Variants in NCK2 observed in about 807,000 individuals in gnomAD.
The protein encoded by NCK2 is cytoplasmic protein NCK2.
NCK2 carries 16 observed loss-of-function variants against 33.9 expected under a neutral mutation model. That is an observed-to-expected ratio of 0.47 (90% CI 0.32 to 0.72). The LOEUF is 0.72. NCK2 is among the 30% of genes least tolerant of loss of function. NCK2 has a pLI of 0.03. For missense variants in NCK2, 418 were observed against 537.3 expected, an observed-to-expected ratio of 0.78 and a Z score of 2.19; for synonymous variants, 273 against 239.9, an observed-to-expected ratio of 1.14 and a Z score of -1.27.
rs1377398900 is a variant in NCK2, at chr2:105,893,171, C to A, written c.1138C>A (p.Gln380Lys). Residue 380 changes from glutamine (Q) to lysine (K), a missense_variant, in exon 5 of 5, where the codon CAG becomes AAG. Transcript: ENST00000233154. ...GAAGCTCTACCTCGTCAGGGCCCTG[C>A]AGTGACGGCGCCCCGGCCCCACACT... ...GEKLYLVRAL[Q>K] The A allele has an allele frequency of 1.3e-6, 2 of 1,591,508 alleles. No homozygotes were observed. Among genetic ancestry groups the A allele is most frequent in the Admixed American group, 3.5e-5 (2 of 57,164 alleles).
At chr2:105,835,621 T>C (rs1051195856) in intron 2 of NCK2, among the ~76,000 whole-genome samples, 3 of 151,296 alleles carry the variant, frequency 2.0e-5, no homozygotes, top group Non-Finnish European at 4.4e-5. Flanking sequence ...AGGACTTTCT[T>C]AGGTTGAATA....
intron 3 of NCK2, among the ~76,000 whole-genome samples, chr2:105,876,302 G>A (rs1181387810): frequency 3.9e-5 from 6 of 152,284 alleles, no homozygotes; most frequent in African/African-American, 9.6e-5. Flanking sequence ...ACACATGACC[G>A]CACACCATGC....
intron 4 of NCK2, among the ~76,000 whole-genome samples, chr2:105,889,301 G>A (rs1438009199): frequency 6.6e-6 from 1 of 152,238 alleles, no homozygotes; most frequent in East Asian, 1.9e-4. Flanking sequence ...AATTGGAAAA[G>A]TATCCACAGA....
intron 4 of NCK2, among the ~76,000 whole-genome samples, chr2:105,883,193 G>A (rs1678578801): frequency 6.6e-6 from 1 of 152,176 alleles, no homozygotes; most frequent in African/African-American, 2.4e-5. Context: ...TGAACTCTGA[G>A]ATTTATCAAG....
At chr2:105,816,761 T>A (rs1468471779) in intron 2 of NCK2, 148 bp downstream of exon 2, 3 of 152,062 alleles carry the variant, frequency 2.0e-5, no homozygotes, top group Non-Finnish European at 2.9e-5. Flanking sequence ...AGGGAGAAAA[T>A]TAGATTATCT....
chr2:105,814,490 T>C (rs974171819), intron 1 of NCK2, among the ~76,000 whole-genome samples: 7 of 152,212 alleles, frequency 4.6e-5, no homozygotes, highest in African/African-American at 1.7e-4. Flanking sequence ...TTGCCCACTG[T>C]GCCTAGTATC....
chr2:105,800,137 C>G (rs937125099), intron 1 of NCK2, among the ~76,000 whole-genome samples: 1 of 152,192 alleles, frequency 6.6e-6, no homozygotes, highest in Admixed American at 6.5e-5. Flanking sequence ...TCAGTGCAGC[C>G]ATGTAGCCTG....
chr2:105,769,520 C>G lies in NCK2; in HGVS notation c.-201+24382C>G, dbSNP rs994470387. ...ATGTAGCACAAAAATTGTGACTCTA[C>G]TTATAATAACGTACAGAAGAATAAC... is the stretch of plus-strand genomic sequence containing the variant. On this transcript the variant is annotated intron_variant, in intron 1 of 4. Coordinates refer to ENST00000233154, the MANE Select transcript of NCK2 (RefSeq NM_003581.5). 3.3e-5 allele frequency among the ~76,000 whole-genome samples: 5 copies of G among 152,282 alleles called. No homozygotes were observed. The South Asian group carries it at 1.0e-3, about 32-fold the overall frequency.
intron 3 of NCK2, 30 bp from the exon 4 acceptor site, chr2:105,881,298 G>A (rs140384294): frequency 1.3e-6 from 2 of 1,553,332 alleles, no homozygotes; most frequent in African/African-American, 2.7e-5. Flanking sequence ...CAAGTGCCCT[G>A]CGCCACTGAG....
chr2:105,803,616 C>G (rs1227396094), intron 1 of NCK2, among the ~76,000 whole-genome samples: 1 of 152,086 alleles, frequency 6.6e-6, no homozygotes, highest in Non-Finnish European at 1.5e-5. Flanking sequence ...AGCAAGTCCT[C>G]ATGCCCCTGC....
intron 1 of NCK2, 25 bp from the exon 2 acceptor site, chr2:105,816,405 C>T (rs933704224): frequency 3.3e-5 from 5 of 152,108 alleles, no homozygotes; most frequent in Non-Finnish European, 7.4e-5. Context: ...GCAAGCAGAC[C>T]TAATATATGC....
Position 105,893,054 on chromosome 2 carries a change from G to A in NCK2, c.1021G>A (p.Val341Ile), listed in dbSNP as rs375398048. 77 of 1,614,074 alleles carry A rather than the reference G, an allele frequency of 4.8e-5. No homozygotes were observed. Among genetic ancestry groups the A allele is most frequent in the Non-Finnish European group, 6.1e-5 (72 of 1,180,040 alleles). ...CTTCAAGGTGCAGCTCGTGGACAAT[G>A]TCTACTGCATTGGGCAGCGGCGCTT... ...KHFKVQLVDN[V>I]YCIGQRRFHT... The change falls in exon 5 of 5, where the codon GTC becomes ATC. Residue 341 changes from valine to isoleucine, a missense_variant. Physicochemically the swap from Val to Ile is conservative, Grantham distance 29. Transcript: ENST00000233154.
intron 2 of NCK2, among the ~76,000 whole-genome samples, chr2:105,817,190 A>AAAC (rs397694985): frequency 3.3e-5 from 5 of 150,536 alleles, no homozygotes; most frequent in Non-Finnish European, 5.9e-5. Flanking sequence ...AAAAAAAAAA[A>AAAC]CCTACATCAA....
chr2:105,791,056 A>T (rs1224337544), intron 1 of NCK2, among the ~76,000 whole-genome samples: 2 of 152,146 alleles, frequency 1.3e-5, no homozygotes, highest in Non-Finnish European at 2.9e-5. Flanking sequence ...GGGGCTCTGG[A>T]AATGCCCATG....
At chr2:105,885,013 A>C (rs1392726311) in intron 4 of NCK2, among the ~76,000 whole-genome samples, 1 of 152,170 alleles carries the variant, frequency 6.6e-6, no homozygotes, top group African/African-American at 2.4e-5. Flanking sequence ...CATTGATTCT[A>C]TGGATGTGGC....
rs1447093243 is a variant in NCK2, at chr2:105,840,627, A to C, written c.-16-14421A>C. ...CACCCCCACTTCAGATGCCAGTTGC[A>C]CGTCCCAGGTTGTTTTAACCAGTAA... On this transcript the variant is annotated intron_variant, in intron 2 of 4. Transcript: ENST00000233154. Among the ~76,000 whole-genome samples, 4 of 152,214 alleles carry C rather than the reference A, an allele frequency of 2.6e-5. No individual in the cohort carries two copies. In the East Asian group the frequency reaches 7.7e-4, roughly 29 times the overall value.
At chr2:105,753,133 T>A (rs1689504910) in intron 1 of NCK2, among the ~76,000 whole-genome samples, 1 of 152,258 alleles carries the variant, frequency 6.6e-6, no homozygotes, top group Admixed American at 6.5e-5. Context: ...AACAGAACTG[T>A]AAACTTTTAT....
Position 105,855,180 on chromosome 2 carries a change from G to T in NCK2, c.117G>T (p.Trp39Cys). ...TGCTGGACGACTCCAAGACGTGGTG[G>T]CGGGTGAGGAACGCGGCCAACAGGA... ...LWLLDDSKTW[W>C]RVRNAANRTG... is the part of the protein sequence containing the mutation. Residue 39 changes from tryptophan to cysteine, a missense_variant, in exon 3 of 5, where the codon TGG (tryptophan) becomes TGT (cysteine). Coordinates refer to ENST00000233154, the MANE Select transcript of NCK2 (RefSeq NM_003581.5). The T allele has an allele frequency of 6.2e-7, 1 of 1,614,208 alleles. No individual in the cohort carries two copies. Among genetic ancestry groups the T allele is most frequent in the Non-Finnish European group, 8.5e-7 (1 of 1,180,034 alleles).
chr2:105,891,036 A>T (rs1474137523), intron 4 of NCK2, among the ~76,000 whole-genome samples: 1 of 152,222 alleles, frequency 6.6e-6, no homozygotes, highest in Non-Finnish European at 1.5e-5. Context: ...CTGGCCAGGC[A>T]TGTCCGAGGT....
Sources: allele counts gnomAD v4.1 joint callset (sites outside exome capture counted in the v4.1 genomes callset), GRCh38; gene constraint gnomAD v4.1.1; transcripts MANE v1.5; gene names NCBI Gene and HGNC (gene_info 2026-07-23, HGNC 2026-07-21).